Variants in PITPNC1 observed in about 807,000 individuals in gnomAD.
PITPNC1 encodes cytoplasmic phosphatidylinositol transfer protein 1.
In PITPNC1, 18 loss-of-function variants were observed where a neutral mutation model predicts 44.7. That is an observed-to-expected ratio of 0.40 (90% CI 0.28 to 0.60). The LOEUF (loss-of-function observed/expected upper bound fraction) is 0.60. Ranked by LOEUF, PITPNC1 falls within the 20% of genes least tolerant of loss-of-function variation. The pLI, the probability that PITPNC1 is intolerant of heterozygous loss-of-function variation, is 0.39. For synonymous variants in PITPNC1, 141 were observed against 149.6 expected (o/e 0.94, Z 0.42); for missense variants, 290 against 418.4 (o/e 0.69, Z 2.68).
At chr17:67,437,372 G>T (rs1306268385) in intron 1 of PITPNC1, among the ~76,000 whole-genome samples, 2 of 152,140 alleles carry the variant, frequency 1.3e-5, no homozygotes, top group African/African-American at 2.4e-5. Flanking sequence ...CTTGAACATG[G>T]AGGCAGAAGT....
chr17:67,411,194 A>C (rs2038491181), intron 1 of PITPNC1, among the ~76,000 whole-genome samples: 1 of 152,090 alleles, frequency 6.6e-6, no homozygotes, highest in Non-Finnish European at 1.5e-5. Flanking sequence ...GCTAAGACAG[A>C]ATCCTGCCCA....
chr17:67,391,925 A>G lies in PITPNC1; in HGVS notation c.48+13723A>G, dbSNP rs114507837. Among the ~76,000 whole-genome samples, 537 of 152,354 alleles carry G rather than the reference A, an allele frequency of 3.5e-3. 4 individuals carry two copies. The highest frequency in any genetic ancestry group is 0.011 in the African/African-American group (471 of 41,588). ...ATCAAATGATCCATTTTACTTAAGTATTAAACCAAGTGACATTCTTCAGTT... is the reference window on the plus strand; with the variant it reads ...ATCAAATGATCCATTTTACTTAAGTGTTAAACCAAGTGACATTCTTCAGTT... On this transcript the variant is annotated intron_variant, in intron 1 of 8. Coordinates refer to ENST00000581322, the MANE Select transcript of PITPNC1 (RefSeq NM_012417.4).
At chr17:67,493,621 T>A (rs920210056) in intron 1 of PITPNC1, among the ~76,000 whole-genome samples, 4 of 152,242 alleles carry the variant, frequency 2.6e-5, no homozygotes, top group Non-Finnish European at 5.9e-5. Context: ...TGCTTTGGAT[T>A]TGCCTGATGC....
chr17:67,457,355 A>G (rs953379723), intron 1 of PITPNC1: 1 of 151,818 alleles, frequency 6.6e-6, no homozygotes. Flanking sequence ...GTAATCTGCC[A>G]TATCTCTCTG....
At chr17:67,563,263 A>C (rs1350552999) in intron 4 of PITPNC1, among the ~76,000 whole-genome samples, 1 of 152,220 alleles carries the variant, frequency 6.6e-6, no homozygotes, top group Non-Finnish European at 1.5e-5. Flanking sequence ...CATTAGAGAG[A>C]AAGTCAAGTC....
At chr17:67,514,094 G>A (rs745589595) in intron 1 of PITPNC1, among the ~76,000 whole-genome samples, 23 of 152,160 alleles carry the variant, frequency 1.5e-4, no homozygotes, top group East Asian at 3.9e-4. Flanking sequence ...GTTCACTGCC[G>A]GGCAGTTGAC....
At chr17:67,425,193 GCACGCACACGCACACACA>G (rs1216343802) in intron 1 of PITPNC1, among the ~76,000 whole-genome samples, 10 of 52,122 alleles carry the variant, frequency 1.9e-4, no homozygotes, top group South Asian at 4.8e-4. Flanking sequence ...TTGTGCGCGC[GCACGCACACGCACACACA>G]CACACACACA....
chr17:67,599,246 G>A (rs749359977), intron 5 of PITPNC1, among the ~76,000 whole-genome samples: 1 of 151,482 alleles, frequency 6.6e-6, no homozygotes, highest in African/African-American at 2.4e-5. Flanking sequence ...TGAGGTTGAT[G>A]AATTCAGTTT....
intron 6 of PITPNC1, among the ~76,000 whole-genome samples, chr17:67,645,922 C>T (rs535288525): frequency 5.7e-4 from 87 of 152,244 alleles, no homozygotes; most frequent in South Asian, 4.1e-4. Context: ...GCCAAGAGTT[C>T]GAGACCAGCC....
intron 8 of PITPNC1, among the ~76,000 whole-genome samples, chr17:67,687,536 A>G (rs1239665746): frequency 6.6e-6 from 1 of 152,224 alleles, no homozygotes; most frequent in Non-Finnish European, 1.5e-5. Context: ...AGTAACTTTT[A>G]AAAACATAGC....
intron 5 of PITPNC1, among the ~76,000 whole-genome samples, chr17:67,594,858 T>C (rs1249713686): frequency 6.6e-6 from 1 of 152,194 alleles, no homozygotes; most frequent in Non-Finnish European, 1.5e-5. Context: ...TAGTTCCCAC[T>C]CATAGGGTAC....
At chr17:67,472,281 G>A (rs1000062940) in intron 1 of PITPNC1, among the ~76,000 whole-genome samples, 11 of 121,444 alleles carry the variant, frequency 9.1e-5, no homozygotes, top group African/African-American at 3.2e-4. Context: ...AAGAAGAATT[G>A]TCTTGGGCAA....
intron 1 of PITPNC1, among the ~76,000 whole-genome samples, chr17:67,432,282 G>T (rs2038867695): frequency 6.6e-6 from 1 of 152,164 alleles, no homozygotes; most frequent in Admixed American, 6.5e-5. Context: ...GAGGTCAGGA[G>T]ATGGAGACCA....
chr17:67,668,030 A>G (rs1257688716), intron 6 of PITPNC1, among the ~76,000 whole-genome samples: 3 of 152,170 alleles, frequency 2.0e-5, no homozygotes, highest in Non-Finnish European at 2.9e-5. Context: ...TCATTCTTGT[A>G]ATTGAAGTAT....
At chr17:67,490,112 CTG>C (rs71354073) in intron 1 of PITPNC1, among the ~76,000 whole-genome samples, 15,909 of 144,500 alleles carry the variant, frequency 0.11, 885 homozygotes, top group Admixed American at 0.16. Flanking sequence ...ACAGGCTTTT[CTG>C]TGTGTGTGTG....
At position 67,452,593 on chromosome 17, in the gene PITPNC1, A is replaced by T. The variant is rs181216422; in HGVS notation, c.48+74391A>T. Among the ~76,000 whole-genome samples, 303 of 150,912 alleles carry T rather than the reference A, an allele frequency of 2.0e-3. 1 individual carries two copies. Among genetic ancestry groups the T allele is most frequent in the Non-Finnish European group, 3.7e-3 (250 of 67,852 alleles). On this transcript the variant is annotated intron_variant, in intron 1 of 8. Coordinates refer to ENST00000581322, the MANE Select transcript of PITPNC1 (RefSeq NM_012417.4). Reference sequence around the variant, plus strand: ...CTGCAACCTCCTCCTCCTGGGTTCAAGTGATTCACCTGCCTCAGCCTCCCA... The same window carrying T: ...CTGCAACCTCCTCCTCCTGGGTTCATGTGATTCACCTGCCTCAGCCTCCCA...
chr17:67,522,610 C>T (rs1030805060), intron 1 of PITPNC1, among the ~76,000 whole-genome samples: 8 of 148,572 alleles, frequency 5.4e-5, no homozygotes, highest in Non-Finnish European at 8.8e-5. Context: ...AGTTCTGAGC[C>T]TTTTTAATTG....
intron 1 of PITPNC1, among the ~76,000 whole-genome samples, chr17:67,494,425 C>T (rs1288993209): frequency 6.6e-6 from 1 of 151,884 alleles, no homozygotes; most frequent in Non-Finnish European, 1.5e-5. Flanking sequence ...GTCTTGAACT[C>T]CTGTCCTCGT....
intron 1 of PITPNC1, among the ~76,000 whole-genome samples, chr17:67,469,865 A>AT (rs577391971): frequency 4.1e-4 from 62 of 152,192 alleles, no homozygotes; most frequent in Non-Finnish European, 7.6e-4. Context: ...GGGCTGAGAG[A>AT]TTTTTTAAAA....
Sources: gnomAD v4.1 joint callset for allele counts (sites outside exome capture counted in the v4.1 genomes callset) on GRCh38, gnomAD v4.1.1 for gene constraint, MANE v1.5 for transcripts, NCBI Gene and HGNC (gene_info 2026-07-23, HGNC 2026-07-21) for gene names.